USP35: variants seen among roughly 807,000 people sequenced by gnomAD.
USP35 encodes the protein ubiquitin carboxyl-terminal hydrolase 35.
In USP35, 69 loss-of-function variants were observed where a neutral mutation model predicts 83.8. The ratio of observed to expected loss-of-function variants is 0.82; its 90% confidence interval spans 0.68 to 1.01. USP35 has a LOEUF of 1.01. Ranked by LOEUF, USP35 falls within the 50% of genes least tolerant of loss-of-function variation. The pLI, the probability that USP35 is intolerant of heterozygous loss-of-function variation, is 0.00. For missense variants in USP35, 1,503 were observed against 1,362.5 expected (o/e 1.10, Z -1.62); for synonymous variants, 714 against 589.5 (o/e 1.21, Z -3.06).
At chr11:78,216,925 T>C (rs1864178056), downstream of USP35, 2 of 152,320 alleles carry the variant, frequency 1.3e-5, no homozygotes, top group African/African-American at 4.8e-5. Context: ...CATTCACTTA[T>C]TGGAACACCA....
Position 78,196,828 on chromosome 11 carries a change from G to T in USP35, c.583G>T (p.Val195Leu), listed in dbSNP as rs763010014. 4.6e-6 allele frequency: 7 copies of T among 1,531,582 alleles called. No homozygotes were observed. Among genetic ancestry groups the T allele is most frequent in the South Asian group, 2.4e-5 (2 of 83,648 alleles). 94.9% of individuals were successfully genotyped at this position (1,531,582 alleles called of 1,614,324 possible). Reference protein sequence around the residue: ...AVEFLEQAQQVSGLLAQLWRA... With the variant: ...AVEFLEQAQQLSGLLAQLWRA... ...GGAGTTCCTAGAGCAGGCCCAGCAG[G>T]TGAGCGGGCTCCTGGCGCAGCTGTG... is the stretch of plus-strand genomic sequence containing the variant. The change falls in exon 2 of 11, where the codon GTG becomes TTG. Residue 195 changes from valine (V) to leucine (L), a missense_variant. Physicochemically the swap from Val to Leu is conservative, Grantham distance 32. Transcript: ENST00000529308. This position sits in a 1 kb window ranked among gnomAD's most constrained non-coding sequence, Gnocchi z 4.8.
At chr11:78,222,175 G>A in the USP35 span, 1 of 1,613,734 alleles carries the variant, frequency 6.2e-7, no homozygotes, top group Non-Finnish European at 8.5e-7. Flanking sequence ...TTGTTCCTCA[G>A]GTCAAGTGGT....
chr11:78,198,516 C>T (rs1863227625), intron 3 of USP35: 2 of 694,068 alleles, frequency 2.9e-6, no homozygotes, highest in East Asian at 1.3e-4. Context: ...ACGTCCTCCT[C>T]CCTGTGATCT....
chr11:78,217,074 C>G (rs1864183743), downstream of USP35: 1 of 152,508 alleles, frequency 6.6e-6, no homozygotes. Context: ...CTGTAAAAAT[C>G]TGACTCATCC....
intron 8 of USP35, among the ~76,000 whole-genome samples, chr11:78,208,264 T>G (rs1410293000): frequency 1.3e-5 from 2 of 152,214 alleles, no homozygotes; most frequent in East Asian, 3.8e-4. Context: ...CAACACATGC[T>G]TTTTGGAGGA....
At chr11:78,226,745 G>T in the USP35 span, 1 of 1,614,072 alleles carries the variant, frequency 6.2e-7, no homozygotes, top group Non-Finnish European at 8.5e-7. Context: ...TGTCTACCAG[G>T]AGGTCCCCGA....
intron 1 of USP35, among the ~76,000 whole-genome samples, chr11:78,193,882 G>A (rs985232330): frequency 6.6e-6 from 1 of 152,244 alleles, no homozygotes; most frequent in African/African-American, 2.4e-5. Flanking sequence ...TTAGGCTGGA[G>A]TGCAGTGGCA....
rs1302610141 is a variant in USP35, at chr11:78,203,890, TTC to T, written c.1198-1950_1198-1949del. 8.7e-4 allele frequency among the ~76,000 whole-genome samples: 124 copies of T among 142,278 alleles called. 10 individuals carry two copies. Among genetic ancestry groups the T allele is most frequent in the African/African-American group, 3.2e-3 (119 of 37,120 alleles). 93.3% of individuals were successfully genotyped at this position (142,278 alleles called of 152,430 possible). A position where few individuals can be genotyped will look rare whatever the true frequency, so the allele number is the denominator to read the frequency against. ...ACTGTACCCAGCCCATATTTTTCTT[TTC>T]TTTTTTTTTTTTTTTTGAGACGGAG... On this transcript the variant is annotated intron_variant, in intron 6 of 10. Coordinates refer to ENST00000529308, the MANE Select transcript of USP35 (RefSeq NM_020798.4).
At chr11:78,207,322 G>A in intron 7 of USP35, 1 of 560,956 alleles carries the variant, frequency 1.8e-6, no homozygotes. Context: ...TCTAAAACAT[G>A]TCTATTGTTG....
In USP35 at chr11:78,213,824, C is replaced by CCTAATGTGAACCTGT; in HGVS notation, c.*11_*12insCTAATGTGAACCTGT. ...AGACTGGTCTTCTAATGTGAACCTG[C>CCTAATGTGAACCTGT]TGCCAACCTGACCCCTTCCCTCCAG... On this transcript the variant is annotated 3_prime_UTR_variant, in exon 11 of 11. Transcript: ENST00000529308. The CCTAATGTGAACCTGT allele has an allele frequency of 6.5e-7, 1 of 1,544,692 alleles. No homozygotes were observed. Among genetic ancestry groups the CCTAATGTGAACCTGT allele is most frequent in the African/African-American group, 1.4e-5 (1 of 70,114 alleles).
chr11:78,199,180 C>G (rs941219092), intron 3 of USP35: 1 of 224,340 alleles, frequency 4.5e-6, no homozygotes, highest in Non-Finnish European at 9.0e-6. Flanking sequence ...GGTATTATCC[C>G]CATTTTACAG....
intron 4 of USP35, 124 bp from the exon 5 acceptor site, chr11:78,200,009 C>T: frequency 9.4e-7 from 1 of 1,064,856 alleles, no homozygotes; most frequent in Non-Finnish European, 1.4e-6. Context: ...GTGAGCACCT[C>T]AGTGTTGATC....
At chr11:78,206,449 A>G (rs1863533001) in intron 7 of USP35, among the ~76,000 whole-genome samples, 1 of 152,240 alleles carries the variant, frequency 6.6e-6, no homozygotes, top group South Asian at 2.1e-4. Flanking sequence ...CTTACTTAAA[A>G]GATCAAAGTT....
chr11:78,212,040 C>T (rs1414364911), intron 10 of USP35, among the ~76,000 whole-genome samples: 3 of 152,162 alleles, frequency 2.0e-5, no homozygotes, highest in Non-Finnish European at 4.4e-5. Flanking sequence ...AATGGTATTT[C>T]CTAGATTTTC....
At chr11:78,213,405 T>TAGTC (rs1263196857) in intron 10 of USP35, among the ~76,000 whole-genome samples, 2 of 152,142 alleles carry the variant, frequency 1.3e-5, no homozygotes, top group Admixed American at 6.5e-5. Flanking sequence ...CCTTGTCAGC[T>TAGTC]AGTCAGTCAC....
intron 6 of USP35, among the ~76,000 whole-genome samples, 175 bp from the exon 7 acceptor site, chr11:78,205,667 T>C (rs1401037477): frequency 6.6e-6 from 1 of 152,132 alleles, no homozygotes; most frequent in Non-Finnish European, 1.5e-5. Flanking sequence ...ATATGTCAAC[T>C]GAAGGGGTTT....
Position 78,205,836 on chromosome 11 carries a change from C to G in USP35, c.1198-6C>G. The G allele has an allele frequency of 1.2e-6, 2 of 1,609,242 alleles. No individual in the cohort carries two copies. Among genetic ancestry groups the G allele is most frequent in the Non-Finnish European group, 1.7e-6 (2 of 1,176,654 alleles). On this transcript the variant is annotated splice_region_variant and splice_polypyrimidine_tract_variant and intron_variant, in intron 6 of 10. Coordinates refer to ENST00000529308, the MANE Select transcript of USP35 (RefSeq NM_020798.4). ...CATCCTGCCTGCCTGCTTATTCCCT[C>G]CTCAGGACCTCCATGTTCCCAATGA...
At chr11:78,210,929 T>A (rs1234001856) in intron 10 of USP35, among the ~76,000 whole-genome samples, 185 bp downstream of exon 10, 3 of 152,210 alleles carry the variant, frequency 2.0e-5, no homozygotes, top group African/African-American at 7.2e-5. Context: ...TAACAGACAC[T>A]GAGTAATGAA....
At chr11:78,211,245 C>T (rs1863762036) in intron 10 of USP35, among the ~76,000 whole-genome samples, 1 of 152,136 alleles carries the variant, frequency 6.6e-6, no homozygotes, top group Non-Finnish European at 1.5e-5. Context: ...AGGATAACGG[C>T]TTCCAGCTCC....
Sources: allele counts gnomAD v4.1 joint callset (sites outside exome capture counted in the v4.1 genomes callset), GRCh38; gene constraint gnomAD v4.1.1; non-coding constraint Gnocchi (gnomAD v3.1); transcripts MANE v1.5; gene names NCBI Gene and HGNC (gene_info 2026-07-23, HGNC 2026-07-21).